Variants in NPAS3 observed in about 807,000 individuals in gnomAD.
The protein encoded by NPAS3 is neuronal PAS domain protein 3, also known as neuronal PAS domain-containing protein 3.
A neutral mutation model predicts 73.1 loss-of-function variants in NPAS3; 14 were observed. That is an observed-to-expected ratio of 0.19 (90% CI 0.13 to 0.30). The LOEUF is 0.30. Ranked by LOEUF, NPAS3 falls within the 10% of genes least tolerant of loss-of-function variation. NPAS3 has a pLI of 1.00. For synonymous variants in NPAS3, 620 were observed against 541.5 expected (o/e 1.14, Z -2.01); for missense variants, 1,096 against 1,250.0 (o/e 0.88, Z 1.86).
intron 5 of NPAS3, among the ~76,000 whole-genome samples, chr14:33,606,774 G>A (rs1183497023): frequency 6.6e-6 from 1 of 152,112 alleles, no homozygotes; most frequent in Non-Finnish European, 1.5e-5. Flanking sequence ...AACTTCTACT[G>A]TTCAACAGTC....
At chr14:33,692,834 C>CT (rs2060269404) in intron 6 of NPAS3, among the ~76,000 whole-genome samples, 5 of 22,994 alleles carry the variant, frequency 2.2e-4, no homozygotes, top group South Asian at 2.6e-3. Flanking sequence ...AGCCCAATGT[C>CT]TTAAAAAAAA....
At chr14:33,139,512 C>A (rs140760581) in intron 2 of NPAS3, among the ~76,000 whole-genome samples, 4 of 151,946 alleles carry the variant, frequency 2.6e-5, no homozygotes, top group Non-Finnish European at 4.4e-5. Flanking sequence ...AAGATGTGGA[C>A]GGGGTGGAGG....
chr14:33,377,237 T>C (rs897747297), intron 4 of NPAS3, among the ~76,000 whole-genome samples: 2 of 152,154 alleles, frequency 1.3e-5, no homozygotes, highest in East Asian at 1.9e-4. Context: ...CATTGGCAAC[T>C]TAGAAGAAAC....
At chr14:33,534,408 A>G (rs554958067) in intron 4 of NPAS3, among the ~76,000 whole-genome samples, 1 of 152,230 alleles carries the variant, frequency 6.6e-6, no homozygotes, top group South Asian at 2.1e-4. Flanking sequence ...ATTGGGAGTC[A>G]GGATTTGTTG....
At chr14:33,549,203 T>G (rs1245958410) in intron 4 of NPAS3, among the ~76,000 whole-genome samples, 1 of 152,196 alleles carries the variant, frequency 6.6e-6, no homozygotes, top group Non-Finnish European at 1.5e-5. Context: ...TTACACCTTT[T>G]CAAATATTTT....
chr14:33,785,597 C>T (rs1048761934), intron 9 of NPAS3, among the ~76,000 whole-genome samples: 1 of 151,970 alleles, frequency 6.6e-6, no homozygotes, highest in Non-Finnish European at 1.5e-5. Context: ...TCAATGATAC[C>T]TCACATATCT....
At chr14:33,422,559 A>G (rs1406974551) in intron 4 of NPAS3, among the ~76,000 whole-genome samples, 1 of 151,976 alleles carries the variant, frequency 6.6e-6, no homozygotes, top group Non-Finnish European at 1.5e-5. Flanking sequence ...GTGTGTATGT[A>G]CATATTTAAA....
At chr14:33,539,824 T>C (rs541831734) in intron 4 of NPAS3, among the ~76,000 whole-genome samples, 1 of 152,306 alleles carries the variant, frequency 6.6e-6, no homozygotes, top group African/African-American at 2.4e-5. Context: ...GCTAATAAGG[T>C]CACTGTTTGG....
intron 4 of NPAS3, among the ~76,000 whole-genome samples, chr14:33,439,047 C>T (rs905111436): frequency 2.0e-5 from 3 of 151,780 alleles, no homozygotes; most frequent in African/African-American, 7.3e-5. Context: ...CAAACTTACC[C>T]AAATTAACAA....
intron 3 of NPAS3, among the ~76,000 whole-genome samples, chr14:33,253,378 A>T (rs2048660755): frequency 6.6e-6 from 1 of 152,086 alleles, no homozygotes; most frequent in South Asian, 2.1e-4. Flanking sequence ...AACCAGAATT[A>T]AAACTCTCAT....
At chr14:33,056,035 A>G (rs1457760632) in intron 2 of NPAS3, 41 bp downstream of exon 2, 3 of 790,324 alleles carry the variant, frequency 3.8e-6, no homozygotes, top group South Asian at 2.9e-5. Flanking sequence ...TGGCTCGTAC[A>G]TCAGTGCTTG....
At position 33,543,995 on chromosome 14, in the gene NPAS3, A is replaced by ATATATATG. The variant is rs2054657153; in HGVS notation, c.469-16119_469-16118insGTATATAT. On this transcript the variant is annotated intron_variant, in intron 4 of 11. Transcript: ENST00000356141. ...TATATATATATATATATATATATAT[A>ATATATATG]TATATATCTATATCAGGAATAGGTG... Among the ~76,000 whole-genome samples, 3 of 121,454 alleles carry ATATATATG rather than the reference A, an allele frequency of 2.5e-5. No homozygotes were observed. The East Asian group carries it at 7.6e-4, about 31-fold the overall frequency. The allele number at this position is 121,454 out of a possible 152,430, so 79.7% of individuals were successfully genotyped here. A position where few individuals can be genotyped will look rare whatever the true frequency, so the allele number is the denominator to read the frequency against.
chr14:33,155,755 A>G (rs1311922256), intron 2 of NPAS3, among the ~76,000 whole-genome samples: 1 of 152,084 alleles, frequency 6.6e-6, no homozygotes, highest in Non-Finnish European at 1.5e-5. Flanking sequence ...TTGTGTAGGT[A>G]TCTTCCCTCT....
chr14:33,684,895 G>A (rs934441269), intron 6 of NPAS3, among the ~76,000 whole-genome samples: 1 of 152,318 alleles, frequency 6.6e-6, no homozygotes. Context: ...TTCATCAGGA[G>A]GTGGACGTGT....
At chr14:33,390,880 G>A (rs1172658223) in intron 4 of NPAS3, among the ~76,000 whole-genome samples, 1 of 151,906 alleles carries the variant, frequency 6.6e-6, no homozygotes, top group Non-Finnish European at 1.5e-5. Context: ...TAAAATAGGT[G>A]TATCCTGCCC....
intron 3 of NPAS3, among the ~76,000 whole-genome samples, chr14:33,281,088 G>A (rs951374173): frequency 6.6e-6 from 1 of 152,208 alleles, no homozygotes; most frequent in Non-Finnish European, 1.5e-5. Flanking sequence ...TTACGGTAGT[G>A]AAGCTGGATA....
chr14:33,705,890 C>G (rs2060643576), intron 6 of NPAS3, among the ~76,000 whole-genome samples: 1 of 152,218 alleles, frequency 6.6e-6, no homozygotes, highest in Admixed American at 6.5e-5. Context: ...AGTTCCTCTA[C>G]CTTTCATTTA....
chr14:33,275,833 T>C (rs541381350), intron 3 of NPAS3, among the ~76,000 whole-genome samples: 1 of 152,330 alleles, frequency 6.6e-6, no homozygotes, highest in East Asian at 1.9e-4. Flanking sequence ...TTTCAAAACA[T>C]AATTTCACAA....
At chr14:33,306,903 A>G (rs1203043940) in intron 3 of NPAS3, among the ~76,000 whole-genome samples, 2 of 152,162 alleles carry the variant, frequency 1.3e-5, no homozygotes, top group Non-Finnish European at 2.9e-5. Context: ...GAGGAAGTCA[A>G]ACAAGTGTCT....
Sources: gnomAD v4.1 joint callset for allele counts (sites outside exome capture counted in the v4.1 genomes callset) on GRCh38, gnomAD v4.1.1 for gene constraint, MANE v1.5 for transcripts, NCBI Gene and HGNC (gene_info 2026-07-23, HGNC 2026-07-21) for gene names.